Variants in KLF12 observed in about 807,000 individuals in gnomAD.
KLF12 encodes the protein KLF transcription factor 12.
A neutral mutation model predicts 37.8 loss-of-function variants in KLF12; 9 were observed. The ratio of observed to expected loss-of-function variants is 0.24; its 90% CI spans 0.14 to 0.42. The LOEUF is 0.42. Ranked by LOEUF, KLF12 falls within the 10% of genes least tolerant of loss-of-function variation. KLF12 has a pLI of 1.00. For synonymous variants in KLF12, 208 were observed against 202.1 expected, an observed-to-expected ratio of 1.03 and a Z score of -0.25; for missense variants, 411 against 516.0, an observed-to-expected ratio of 0.80 and a Z score of 1.97.
intron 3 of KLF12, among the ~76,000 whole-genome samples, chr13:73,905,340 T>C (rs1218423689): frequency 6.6e-6 from 1 of 152,062 alleles, no homozygotes; most frequent in South Asian, 2.1e-4. Flanking sequence ...AGCGCTAACC[T>C]TTTTTATGTT....
intron 1 of KLF12, among the ~76,000 whole-genome samples, chr13:74,018,043 C>A (rs1371547161): frequency 6.6e-6 from 1 of 151,280 alleles, no homozygotes; most frequent in Non-Finnish European, 1.5e-5. Context: ...TTGGAACAAC[C>A]AAGGCCAGGA....
At chr13:74,202,716 A>T in the KLF12 span, among the ~76,000 whole-genome samples, 2 of 152,026 alleles carry the variant, frequency 1.3e-5, no homozygotes, top group Non-Finnish European at 2.9e-5. Flanking sequence ...CCATATCCAA[A>T]TTATGGAAGG....
chr13:73,974,310 C>CCAAAAAAAAAAA (rs1891440086), intron 2 of KLF12, among the ~76,000 whole-genome samples: 1 of 146,238 alleles, frequency 6.8e-6, no homozygotes. Flanking sequence ...AACTTCAAGA[C>CCAAAAAAAAAAA]AAAAAAAAAA....
intron 1 of KLF12, among the ~76,000 whole-genome samples, chr13:74,102,568 G>A (rs1384963588): frequency 1.3e-5 from 2 of 151,608 alleles, no homozygotes; most frequent in African/African-American, 4.8e-5. Context: ...ATTTTGGCAG[G>A]TGCCTGTAAT....
At chr13:74,252,634 G>A in the KLF12 span, among the ~76,000 whole-genome samples, 1 of 152,164 alleles carries the variant, frequency 6.6e-6, no homozygotes, top group Non-Finnish European at 1.5e-5. Context: ...ATTGAACTCA[G>A]TGGCTCTAAA....
intron 3 of KLF12, among the ~76,000 whole-genome samples, chr13:73,922,400 G>A (rs540591937): frequency 1.3e-5 from 2 of 152,114 alleles, no homozygotes; most frequent in Non-Finnish European, 2.9e-5. Context: ...GAAAAGACTG[G>A]CAAAATCAAG....
intron 1 of KLF12, among the ~76,000 whole-genome samples, chr13:74,022,059 C>T (rs1454815247): frequency 2.0e-5 from 3 of 152,062 alleles, no homozygotes; most frequent in Non-Finnish European, 4.4e-5. Flanking sequence ...TGCAAAAGAC[C>T]TGCTTTAAAT....
At chr13:74,280,440 T>C in the KLF12 span, among the ~76,000 whole-genome samples, 117,264 of 152,204 alleles carry the variant, frequency 0.77, 45,437 homozygotes, top group South Asian at 0.88. Flanking sequence ...TGCCTTATTA[T>C]CTGATTTACC....
At chr13:73,942,876 T>G (rs1445025098) in intron 3 of KLF12, among the ~76,000 whole-genome samples, 1 of 152,102 alleles carries the variant, frequency 6.6e-6, no homozygotes, top group East Asian at 1.9e-4. Context: ...AAACAGAAAT[T>G]ATATTGAGAT....
intron 2 of KLF12, among the ~76,000 whole-genome samples, chr13:73,974,893 ACT>A (rs1891465174): frequency 6.6e-6 from 1 of 152,122 alleles, no homozygotes; most frequent in Non-Finnish European, 1.5e-5. Context: ...TAGTAGATAA[ACT>A]CTTTTTAAGA....
intron 5 of KLF12, among the ~76,000 whole-genome samples, chr13:73,773,584 T>A (rs1423778905): frequency 6.8e-6 from 1 of 147,810 alleles, no homozygotes; most frequent in Non-Finnish European, 1.5e-5. Context: ...TATATCTGTG[T>A]TCCATTTCCA....
intron 1 of KLF12, among the ~76,000 whole-genome samples, chr13:74,063,098 T>A (rs1873706094): frequency 1.3e-5 from 2 of 152,160 alleles, no homozygotes; most frequent in Non-Finnish European, 2.9e-5. Context: ...TCCAGCTGCC[T>A]CGGTGCACCA....
intron 1 of KLF12, among the ~76,000 whole-genome samples, chr13:74,112,001 T>C (rs1876999523): frequency 6.6e-6 from 1 of 152,174 alleles, no homozygotes; most frequent in African/African-American, 2.4e-5. Flanking sequence ...ATATTTAATA[T>C]CTGTTCTTTA....
At chr13:73,915,762 G>C (rs905225873) in intron 3 of KLF12, among the ~76,000 whole-genome samples, 1 of 142,618 alleles carries the variant, frequency 7.0e-6, no homozygotes, top group Admixed American at 7.4e-5. Flanking sequence ...TTGATCTCCT[G>C]ACCTCGTGAT....
At chr13:74,265,572 A>G in the KLF12 span, among the ~76,000 whole-genome samples, 2 of 152,196 alleles carry the variant, frequency 1.3e-5, no homozygotes, top group African/African-American at 4.8e-5. Context: ...CCCAAATTAC[A>G]CATGTCTGTT....
chr13:74,280,980 A>T, the KLF12 span, among the ~76,000 whole-genome samples: 1 of 151,986 alleles, frequency 6.6e-6, no homozygotes, highest in African/African-American at 2.4e-5. Flanking sequence ...ACTACTTTAC[A>T]GTGGGGTGAA....
intron 2 of KLF12, among the ~76,000 whole-genome samples, chr13:73,980,884 G>A (rs116244384): frequency 0.028 from 4,270 of 152,264 alleles, 197 homozygotes; most frequent in African/African-American, 0.096. Context: ...TGCAGGCTGG[G>A]CACAGTGGCT....
chr13:73,794,438 C>T (rs539478325), intron 5 of KLF12, among the ~76,000 whole-genome samples: 3 of 152,244 alleles, frequency 2.0e-5, no homozygotes, highest in East Asian at 3.9e-4. Context: ...CCAGCCTGGG[C>T]GACAGAGCAA....
intron 7 of KLF12, among the ~76,000 whole-genome samples, chr13:73,702,246 CTG>C (rs1222266328): frequency 6.6e-6 from 1 of 152,152 alleles, no homozygotes; most frequent in Non-Finnish European, 1.5e-5. Flanking sequence ...ATGAAAACGG[CTG>C]TCTCTTTCAA....
Sources: allele counts gnomAD v4.1 joint callset (sites outside exome capture counted in the v4.1 genomes callset), GRCh38; gene constraint gnomAD v4.1.1; transcripts MANE v1.5; gene names NCBI Gene and HGNC (gene_info 2026-07-23, HGNC 2026-07-21).